Variants in ADGRF5 observed in about 807,000 individuals in gnomAD.
The protein encoded by ADGRF5 is adhesion G protein-coupled receptor F5.
Under a neutral mutation model 132.3 loss-of-function variants are expected in ADGRF5, and 75 were observed. The ratio of observed to expected loss-of-function variants is 0.57; its 90% CI spans 0.47 to 0.69. ADGRF5 has a LOEUF of 0.69. ADGRF5 is among the 30% of genes least tolerant of loss of function. The probability of loss-of-function intolerance (pLI) is 0.00; values close to 1 mark genes in which losing one functional copy is unlikely to be tolerated. For synonymous variants in ADGRF5, 629 were observed against 597.6 expected, an observed-to-expected ratio of 1.05 and a Z score of -0.77; for missense variants, 1,516 against 1,630.6, an observed-to-expected ratio of 0.93 and a Z score of 1.21.
chr6:46,877,252 T>TTTCC (rs1771802733), intron 10 of ADGRF5, among the ~76,000 whole-genome samples: 1 of 33,684 alleles, frequency 3.0e-5, no homozygotes, highest in Non-Finnish European at 5.6e-5. Context: ...TCTTTCTTTC[T>TTTCC]TTCTTTCTTT....
At position 46,878,382 on chromosome 6, in the gene ADGRF5, A is replaced by G. The variant is rs780172817; in HGVS notation, c.1060T>C (p.Leu354=). Residue 354 remains leucine, a synonymous_variant, in exon 10 of 21, where the codon TTA becomes CTA. Coordinates refer to ENST00000283296, the MANE Select transcript of ADGRF5 (RefSeq NM_001098518.2). ...TTGCACTCATATTCAAAAATGTCTA[A>G]TATCAGTTTGCAAACATATTCACCT... The part of the protein sequence containing the change: ...DAGEYVCKLI[L]DIFEYECKKK... The G allele has an allele frequency of 2.5e-6, 4 of 1,607,530 alleles. No individual in the cohort carries two copies. Among genetic ancestry groups the G allele is most frequent in the South Asian group, 1.1e-5 (1 of 90,908 alleles).
intron 1 of ADGRF5, among the ~76,000 whole-genome samples, chr6:46,936,903 GC>G (rs1777856972): frequency 6.6e-6 from 1 of 152,114 alleles, no homozygotes; most frequent in South Asian, 2.1e-4. Context: ...TTGTGTTCCT[GC>G]CCTCTAGCCA....
chr6:46,930,755 A>G (rs1410341981), intron 1 of ADGRF5, among the ~76,000 whole-genome samples: 1 of 152,176 alleles, frequency 6.6e-6, no homozygotes, highest in African/African-American at 2.4e-5. Flanking sequence ...AAAACAGTCA[A>G]TTAAATGAAA....
chr6:46,929,996 T>G (rs542385614), intron 1 of ADGRF5, among the ~76,000 whole-genome samples: 1 of 151,988 alleles, frequency 6.6e-6, no homozygotes, highest in Non-Finnish European at 1.5e-5. Context: ...AATTTTTGTA[T>G]TTTTAGTGGA....
At chr6:46,947,619 T>C (rs181975956) in intron 1 of ADGRF5, among the ~76,000 whole-genome samples, 7 of 152,324 alleles carry the variant, frequency 4.6e-5, no homozygotes, top group African/African-American at 1.7e-4. Context: ...ACTTGTTCTT[T>C]GAGGAGTAAC....
intron 1 of ADGRF5, among the ~76,000 whole-genome samples, chr6:46,940,312 A>G (rs981497345): frequency 2.6e-5 from 4 of 152,188 alleles, no homozygotes; most frequent in Non-Finnish European, 5.9e-5. Context: ...TGAGAAATTT[A>G]GTTTGTGACC....
intron 8 of ADGRF5, among the ~76,000 whole-genome samples, chr6:46,880,384 AG>A (rs1208533150): frequency 6.6e-6 from 1 of 152,228 alleles, no homozygotes; most frequent in Non-Finnish European, 1.5e-5. Context: ...TTAAATACCA[AG>A]TTTCTGTGCT....
intron 1 of ADGRF5, among the ~76,000 whole-genome samples, chr6:46,913,992 G>A (rs748742849): frequency 9.2e-5 from 14 of 152,126 alleles, no homozygotes; most frequent in Non-Finnish European, 1.5e-4. Flanking sequence ...TACAGACTAC[G>A]ATCAGGCAGC....
upstream of ADGRF5, among the ~76,000 whole-genome samples, chr6:46,923,758 CA>C (rs1777114246): frequency 6.6e-6 from 1 of 152,156 alleles, no homozygotes; most frequent in African/African-American, 2.4e-5. Flanking sequence ...GCTTGCTGCA[CA>C]CACATTACAA....
intron 1 of ADGRF5, among the ~76,000 whole-genome samples, chr6:46,907,609 G>T (rs1264101590): frequency 3.9e-5 from 6 of 152,204 alleles, no homozygotes; most frequent in Non-Finnish European, 7.4e-5. Flanking sequence ...AAAAAGTAGG[G>T]TGTCACACGG....
intron 1 of ADGRF5, among the ~76,000 whole-genome samples, chr6:46,927,248 C>A (rs1777297739): frequency 7.0e-6 from 1 of 142,832 alleles, no homozygotes; most frequent in Non-Finnish European, 1.5e-5. Context: ...ACTGAAGAGT[C>A]ATCCATGCCA....
chr6:46,880,073 A>G, intron 8 of ADGRF5, 34 bp from the exon 9 acceptor site: 2 of 1,461,208 alleles, frequency 1.4e-6, no homozygotes, highest in Non-Finnish European at 1.9e-6. Flanking sequence ...TAAGATCCCA[A>G]AGCAAATAAA....
rs375834696 is a variant in ADGRF5 at position 46,895,101 on chromosome 6, T to C, written c.157+4928A>G. 3.8e-3 allele frequency among the ~76,000 whole-genome samples: 581 copies of C among 151,998 alleles called. 6 individuals are homozygous for C. The highest frequency in any genetic ancestry group is 0.024 in the South Asian group (116 of 4,802). ...CTGAGGCAGGAGAATTGCTTGAACC[T>C]GGGAGGCGGAGGTTGCAGTGAGCCG... On this transcript the variant is annotated intron_variant, in intron 3 of 20. Transcript: ENST00000283296.
chr6:46,947,358 C>T (rs868087760), intron 1 of ADGRF5, among the ~76,000 whole-genome samples: 1 of 152,202 alleles, frequency 6.6e-6, no homozygotes, highest in South Asian at 2.1e-4. Context: ...CATGTCATAA[C>T]ACTGAATGAA....
chr6:46,944,637 T>G (rs191273729), intron 1 of ADGRF5, among the ~76,000 whole-genome samples: 194 of 152,302 alleles, frequency 1.3e-3, no homozygotes, highest in African/African-American at 4.3e-3. Context: ...CATCTCCATG[T>G]AAATATAAAT....
At chr6:46,919,069 C>T (rs564731536) in intron 1 of ADGRF5, among the ~76,000 whole-genome samples, 2 of 152,238 alleles carry the variant, frequency 1.3e-5, no homozygotes, top group South Asian at 2.1e-4. Context: ...AGGGTGACGC[C>T]GATGGACAGC....
intron 4 of ADGRF5, 123 bp from the exon 5 acceptor site, chr6:46,884,394 G>A (rs1353063500): frequency 5.5e-6 from 4 of 733,884 alleles, no homozygotes; most frequent in East Asian, 2.6e-5. Context: ...TTACCTTTCT[G>A]AGAAGTTCAA....
Position 46,907,399 on chromosome 6 carries a change from T to C in ADGRF5, c.-24-613A>G, listed in dbSNP as rs186539158. On this transcript the variant is annotated intron_variant, in intron 1 of 20. Coordinates refer to ENST00000283296, the MANE Select transcript of ADGRF5 (RefSeq NM_001098518.2). ...TTTTTTTTATTTTTTGAGACAGGGT[T>C]TCACTCTATTGCCCAGGCTGGTCTT... Among the ~76,000 whole-genome samples the C allele has an allele frequency of 1.7e-3, 260 of 152,214 alleles. 2 individuals are homozygous for C. Among genetic ancestry groups the C allele is most frequent in the East Asian group, 4.2e-3 (22 of 5,188 alleles).
intron 1 of ADGRF5, among the ~76,000 whole-genome samples, chr6:46,911,117 C>A (rs1166302608): frequency 6.6e-6 from 1 of 152,156 alleles, no homozygotes; most frequent in African/African-American, 2.4e-5. Context: ...TTCTCTGCTC[C>A]CTCTCTACAG....
Sources: allele counts gnomAD v4.1 joint callset (sites outside exome capture counted in the v4.1 genomes callset), GRCh38; gene constraint gnomAD v4.1.1; transcripts MANE v1.5; gene names NCBI Gene and HGNC (gene_info 2026-07-23, HGNC 2026-07-21).